The following ZNF93 variants were observed in gnomAD, a reference collection of about 807,000 sequenced individuals.
ZNF93 encodes zinc finger protein 93.
Under a neutral mutation model 45.0 loss-of-function variants are expected in ZNF93, and 29 were observed. The observed-to-expected ratio is 0.64, with a 90% confidence interval of 0.48 to 0.88. The LOEUF is 0.88. Among genes scored for constraint, ZNF93 ranks in the 40% least tolerant of loss-of-function variants. The pLI is 0.00. For synonymous variants in ZNF93, 223 were observed against 244.6 expected (o/e 0.91, Z 0.82); for missense variants, 578 against 724.0 (o/e 0.80, Z 2.31).
chr19:19,931,866 T>G (rs2063375388), intron 3 of ZNF93: 2 of 218,574 alleles, frequency 9.2e-6, no homozygotes, highest in Admixed American at 1.2e-4. Flanking sequence ...AGTAATCATC[T>G]CAAAAACTGG....
At chr19:19,902,100 G>A (rs537292037) in intron 1 of ZNF93, among the ~76,000 whole-genome samples, 89 of 151,964 alleles carry the variant, frequency 5.9e-4, no homozygotes, top group African/African-American at 1.9e-3. Flanking sequence ...AAAAAAAATA[G>A]ACATCTTAAA....
chr19:19,919,111 T>C (rs1202153718), intron 3 of ZNF93, among the ~76,000 whole-genome samples: 2 of 152,222 alleles, frequency 1.3e-5, no homozygotes, highest in African/African-American at 4.8e-5. Flanking sequence ...CTTTAATCCA[T>C]CTTGAATTAA....
intron 1 of ZNF93, among the ~76,000 whole-genome samples, chr19:19,913,701 G>A (rs894225283): frequency 1.3e-5 from 2 of 152,060 alleles, no homozygotes; most frequent in African/African-American, 4.8e-5. Flanking sequence ...GTCTTTTTCT[G>A]CCAGAAGATG....
rs765185474 is a variant in ZNF93, at chr19:19,934,313, A to G, written c.1358A>G (p.Tyr453Cys). 8.1e-6 allele frequency: 13 copies of G among 1,613,270 alleles called. No individual in the cohort carries two copies. Among genetic ancestry groups the G allele is most frequent in the South Asian group, 6.6e-5 (6 of 91,074 alleles). Residue 453 changes from tyrosine (Y) to cysteine (C), a missense_variant, in exon 4 of 4, where the codon TAC becomes TGC. Around this residue, in one of 3 missense-constraint regions of ZNF93, gnomAD observed 446 missense variants for 547.6 expected, o/e 0.81. Transcript: ENST00000343769. ...HEIIHTGKKP[Y>C]KCEECGKAFN... is the part of the protein sequence containing the mutation. ...ATCATTCATACTGGAAAGAAACCCT[A>G]CAAGTGTGAAGAATGTGGCAAAGCT...
chr19:19,912,165 G>A (rs2063310533), intron 1 of ZNF93, among the ~76,000 whole-genome samples: 1 of 152,148 alleles, frequency 6.6e-6, no homozygotes, highest in African/African-American at 2.4e-5. Flanking sequence ...GTATAAAGTT[G>A]TCAGGGCAGT....
intron 2 of ZNF93, among the ~76,000 whole-genome samples, chr19:19,915,639 G>A (rs779655922): frequency 6.6e-6 from 1 of 151,998 alleles, no homozygotes; most frequent in Non-Finnish European, 1.5e-5. Context: ...CGAGGAGTTC[G>A]AGACCAGCCT....
At chr19:19,916,875 T>C (rs2063325897) in intron 3 of ZNF93, among the ~76,000 whole-genome samples, 1 of 152,202 alleles carries the variant, frequency 6.6e-6, no homozygotes, top group South Asian at 2.1e-4. Flanking sequence ...CTACTTTTGT[T>C]TTGGTGAGCT....
chr19:19,910,496 C>T (rs879358629), intron 1 of ZNF93, among the ~76,000 whole-genome samples: 1 of 151,998 alleles, frequency 6.6e-6, no homozygotes, highest in South Asian at 2.1e-4. Flanking sequence ...TTGTATCAGC[C>T]CACTCTCTGT....
rs2063268075 is a variant in ZNF93, at chr19:19,900,955, T to G, written c.-134T>G. The G allele has an allele frequency of 1.4e-6, 2 of 1,462,270 alleles. No individual in the cohort carries two copies. The highest frequency in any genetic ancestry group is 2.3e-5 in the East Asian group (1 of 43,364). The allele number at this position is 1,462,270 out of a possible 1,614,324, so 90.6% of individuals were successfully genotyped here. A position where few individuals can be genotyped will look rare whatever the true frequency, so the allele number is the denominator to read the frequency against. On this transcript the variant is annotated 5_prime_UTR_variant, in exon 1 of 4. Transcript: ENST00000343769. ...GTTTGGCGGGTCCTTTGTCTCTCGG[T>G]GCAGCCGGAGCTCCAGGTCTCCTCT...
rs773575864 is a variant in ZNF93 at position 19,916,519 on chromosome 19, A to T, written c.131-41A>T. ...GCACATTACTAGCTTGTAATTGGAG[A>T]ATATGAGCAAGATTCATGTTATTTA... On this transcript the variant is annotated intron_variant, in intron 2 of 3. Coordinates refer to ENST00000343769, the MANE Select transcript of ZNF93 (RefSeq NM_031218.4). 3 of 1,528,334 alleles carry T rather than the reference A, an allele frequency of 2.0e-6. No individual in the cohort carries two copies. The African/African-American group carries it at 4.1e-5, about 21-fold the overall frequency. 94.7% of individuals were successfully genotyped at this position (1,528,334 alleles called of 1,614,324 possible).
chr19:19,934,918 G>C lies in ZNF93; in HGVS notation c.*100G>C. 1 of 1,296,596 alleles carries C rather than the reference G, an allele frequency of 7.7e-7. No homozygotes were observed. The highest frequency in any genetic ancestry group is 1.1e-6 in the Non-Finnish European group (1 of 951,480). The allele number at this position is 1,296,596 out of a possible 1,614,324, so 80.3% of individuals were successfully genotyped here. A position where few individuals can be genotyped will look rare whatever the true frequency, so the allele number is the denominator to read the frequency against. Reference sequence around the variant, plus strand: ...TGTAACCATCCCAAACTCCTCCCAGGCACAGTCTGGCAGAGGTCCTGCCAT... The same window carrying C: ...TGTAACCATCCCAAACTCCTCCCAGCCACAGTCTGGCAGAGGTCCTGCCAT... On this transcript the variant is annotated 3_prime_UTR_variant, in exon 4 of 4. Transcript: ENST00000343769.
chr19:19,926,950 T>G (rs1479087473), intron 3 of ZNF93, among the ~76,000 whole-genome samples: 1 of 152,244 alleles, frequency 6.6e-6, no homozygotes, highest in Non-Finnish European at 1.5e-5. Flanking sequence ...TAATGATTAA[T>G]GTATATTTCT....
At chr19:19,929,522 T>C (rs754417245) in intron 3 of ZNF93, among the ~76,000 whole-genome samples, 4 of 152,226 alleles carry the variant, frequency 2.6e-5, no homozygotes, top group African/African-American at 7.2e-5. Flanking sequence ...TATGTACACA[T>C]ATACATATAG....
At chr19:19,915,048 T>C (rs1184966513) in intron 1 of ZNF93, among the ~76,000 whole-genome samples, 1 of 152,244 alleles carries the variant, frequency 6.6e-6, no homozygotes, top group East Asian at 1.9e-4. Context: ...ATTTTATACT[T>C]TATTATCTAG....
At position 19,901,103 on chromosome 19, in the gene ZNF93, G is replaced by T; in HGVS notation, c.3+12G>T. 1 of 1,613,514 alleles carries T rather than the reference G, an allele frequency of 6.2e-7. No individual in the cohort carries two copies. Among genetic ancestry groups the T allele is most frequent in the Non-Finnish European group, 8.5e-7 (1 of 1,179,622 alleles). On this transcript the variant is annotated intron_variant, in intron 1 of 3. Coordinates refer to ENST00000343769, the MANE Select transcript of ZNF93 (RefSeq NM_031218.4). ...GAAGCCTAGAAATGGTGAGAGTGCC[G>T]GTCCGACATCCCAAGCGACGGGGAG...
chr19:19,929,818 G>T (rs1230602694), intron 3 of ZNF93, among the ~76,000 whole-genome samples: 1 of 149,854 alleles, frequency 6.7e-6, no homozygotes, highest in Non-Finnish European at 1.5e-5. Context: ...GGCGCCTGTA[G>T]TCCCAGCTAC....
rs190929662 is a variant in ZNF93 at position 19,904,190 on chromosome 19, G to A, written c.3+3099G>A. 7.5e-3 allele frequency among the ~76,000 whole-genome samples: 1,082 copies of A among 144,122 alleles called. 6 individuals are homozygous for A. The highest frequency in any genetic ancestry group is 0.012 in the Non-Finnish European group (818 of 67,608). The allele number at this position is 144,122 out of a possible 152,430, so 94.5% of individuals were successfully genotyped here. A position where few individuals can be genotyped will look rare whatever the true frequency, so the allele number is the denominator to read the frequency against. On this transcript the variant is annotated intron_variant, in intron 1 of 3. Coordinates refer to ENST00000343769, the MANE Select transcript of ZNF93 (RefSeq NM_031218.4). ...TCTGGCTGTGTGATAGGTAAGAAAA[G>A]AGAGCACTAAGTCATAAGGGAAAGA...
At chr19:19,910,031 A>G (rs1313784434) in intron 1 of ZNF93, among the ~76,000 whole-genome samples, 3 of 152,188 alleles carry the variant, frequency 2.0e-5, no homozygotes, top group Non-Finnish European at 2.9e-5. Context: ...TTCAGAAACT[A>G]TGGAGCCCAG....
intron 3 of ZNF93, among the ~76,000 whole-genome samples, chr19:19,918,595 A>G (rs573717563): frequency 6.6e-6 from 1 of 152,246 alleles, no homozygotes; most frequent in East Asian, 1.9e-4. Context: ...CTATTTCTCC[A>G]CATCCTCTCC....
Sources: allele counts gnomAD v4.1 joint callset (sites outside exome capture counted in the v4.1 genomes callset), GRCh38; gene constraint gnomAD v4.1.1; regional missense constraint gnomAD v4.1.1; transcripts MANE v1.5; gene names NCBI Gene and HGNC (gene_info 2026-07-23, HGNC 2026-07-21).